Variants in MECOM observed in about 807,000 individuals in gnomAD.
MECOM encodes histone-lysine N-methyltransferase MECOM.
A neutral mutation model predicts 116.3 loss-of-function variants in MECOM; 13 were observed. That is an observed-to-expected ratio of 0.11 (90% CI 0.07 to 0.18). The LOEUF (loss-of-function observed/expected upper bound fraction) is 0.18, where lower values mean the gene tolerates loss of function less well. Among genes scored for constraint, MECOM ranks in the 10% least tolerant of loss-of-function variants. The probability of loss-of-function intolerance (pLI) is 1.00; values close to 1 mark genes in which losing one functional copy is unlikely to be tolerated. For missense variants in MECOM, 1,299 were observed against 1,509.0 expected, an observed-to-expected ratio of 0.86 and a Z score of 2.31; for synonymous variants, 528 against 535.2, an observed-to-expected ratio of 0.99 and a Z score of 0.19.
At chr3:169,530,122 A>G (rs1457762473) in intron 1 of MECOM, among the ~76,000 whole-genome samples, 1 of 144,334 alleles carries the variant, frequency 6.9e-6, no homozygotes, top group Admixed American at 7.0e-5. Flanking sequence ...AGGCTATTCA[A>G]GTGGTAGAAA....
intron 14 of MECOM, among the ~76,000 whole-genome samples, chr3:169,091,100 T>G (rs1323323760): frequency 6.6e-6 from 1 of 152,098 alleles, no homozygotes; most frequent in East Asian, 1.9e-4. Context: ...TATCAAAGAA[T>G]GGTGAAAACA....
chr3:169,270,942 A>C (rs1454925345), intron 2 of MECOM, among the ~76,000 whole-genome samples: 1 of 152,200 alleles, frequency 6.6e-6, no homozygotes, highest in Non-Finnish European at 1.5e-5. Flanking sequence ...ATTTTTTGTA[A>C]TACTGCTTTT....
At chr3:169,659,757 G>C (rs1377721433) in intron 1 of MECOM, among the ~76,000 whole-genome samples, 1 of 152,106 alleles carries the variant, frequency 6.6e-6, no homozygotes, top group Non-Finnish European at 1.5e-5. Flanking sequence ...TCTGGGTGTT[G>C]TGTTTGTTGT....
chr3:169,143,954 A>G, intron 2 of MECOM, 122 bp from the exon 3 acceptor site: 1 of 1,154,762 alleles, frequency 8.7e-7, no homozygotes, highest in Non-Finnish European at 1.2e-6. Flanking sequence ...AAAAAGTCAG[A>G]TCACAAGCAC....
intron 7 of MECOM, 103 bp downstream of exon 7, chr3:169,120,953 C>A (rs1448916604): frequency 1.6e-6 from 2 of 1,223,936 alleles, no homozygotes; most frequent in Admixed American, 5.1e-5. Context: ...AAATAGCTAA[C>A]ACGGTGACCC....
At chr3:169,246,564 T>C (rs970481635) in intron 2 of MECOM, among the ~76,000 whole-genome samples, 40 of 147,730 alleles carry the variant, frequency 2.7e-4, no homozygotes, top group Non-Finnish European at 4.9e-4. Flanking sequence ...AGTCTCACTA[T>C]GTCACCCAGG....
chr3:169,229,814 T>C (rs1201654349), intron 2 of MECOM, among the ~76,000 whole-genome samples: 1 of 152,208 alleles, frequency 6.6e-6, no homozygotes, highest in Non-Finnish European at 1.5e-5. Flanking sequence ...GATTTCCTAA[T>C]CAGTTTCATG....
intron 2 of MECOM, among the ~76,000 whole-genome samples, chr3:169,353,038 A>G (rs1297477804): frequency 1.6e-4 from 25 of 151,868 alleles, no homozygotes; most frequent in Admixed American, 1.6e-3. Flanking sequence ...GATTTATCCC[A>G]CGAGGCTACA....
At chr3:169,380,489 C>T (rs769922343) in intron 2 of MECOM, among the ~76,000 whole-genome samples, 2 of 152,090 alleles carry the variant, frequency 1.3e-5, no homozygotes, top group Admixed American at 6.6e-5. Flanking sequence ...ATTCTTTAAT[C>T]AGACTATAAC....
At chr3:169,196,950 G>C (rs1349964209) in intron 2 of MECOM, among the ~76,000 whole-genome samples, 1 of 151,984 alleles carries the variant, frequency 6.6e-6, no homozygotes, top group Non-Finnish European at 1.5e-5. Context: ...AAGAAATTGT[G>C]GTATAGATAC....
At chr3:169,097,817 T>TATAAAA (rs1553818439) in intron 12 of MECOM, among the ~76,000 whole-genome samples, 6 of 87,212 alleles carry the variant, frequency 6.9e-5, no homozygotes, top group East Asian at 9.9e-4. Flanking sequence ...ACTGTCTATA[T>TATAAAA]AAAAAAAAAA....
intron 2 of MECOM, among the ~76,000 whole-genome samples, chr3:169,197,410 C>T (rs1748574699): frequency 6.6e-6 from 1 of 151,808 alleles, no homozygotes; most frequent in Admixed American, 6.6e-5. Flanking sequence ...ATAAAGTCTC[C>T]AGTATATCCC....
chr3:169,575,610 A>T (rs990121157), intron 1 of MECOM, among the ~76,000 whole-genome samples: 1 of 152,070 alleles, frequency 6.6e-6, no homozygotes, highest in African/African-American at 2.4e-5. Context: ...ACACCTCCAC[A>T]CTGGACTTAG....
chr3:169,601,320 G>A (rs549090813), intron 1 of MECOM, among the ~76,000 whole-genome samples: 2 of 152,330 alleles, frequency 1.3e-5, no homozygotes, highest in African/African-American at 4.8e-5. Context: ...GGGAAAAGAA[G>A]AACCTGGAGG....
At chr3:169,537,876 C>T (rs1216760604) in intron 1 of MECOM, among the ~76,000 whole-genome samples, 2 of 152,118 alleles carry the variant, frequency 1.3e-5, no homozygotes, top group Non-Finnish European at 2.9e-5. Context: ...CATGGTTGTT[C>T]ACAACCTATA....
At chr3:169,503,352 A>G (rs1350660663) in intron 1 of MECOM, among the ~76,000 whole-genome samples, 1 of 152,218 alleles carries the variant, frequency 6.6e-6, no homozygotes, top group Non-Finnish European at 1.5e-5. Context: ...CTAGAACTGC[A>G]TAAATCATAA....
intron 2 of MECOM, among the ~76,000 whole-genome samples, chr3:169,324,270 C>A (rs900483667): frequency 6.6e-6 from 1 of 152,190 alleles, no homozygotes; most frequent in Non-Finnish European, 1.5e-5. Context: ...GGAAACCAAG[C>A]ACACTCTCGT....
chr3:169,178,670 T>C (rs1320020436), intron 2 of MECOM, among the ~76,000 whole-genome samples: 2 of 152,258 alleles, frequency 1.3e-5, no homozygotes, highest in Non-Finnish European at 2.9e-5. Flanking sequence ...GTTTGATTTT[T>C]CAAAATGAAT....
At chr3:169,375,681 T>C (rs1730897783) in intron 2 of MECOM, among the ~76,000 whole-genome samples, 1 of 152,130 alleles carries the variant, frequency 6.6e-6, no homozygotes, top group South Asian at 2.1e-4. Flanking sequence ...ATTGAGGCAG[T>C]AATTAATAGT....
Sources: allele counts gnomAD v4.1 joint callset (sites outside exome capture counted in the v4.1 genomes callset), GRCh38; gene constraint gnomAD v4.1.1; transcripts MANE v1.5; gene names NCBI Gene and HGNC (gene_info 2026-07-23, HGNC 2026-07-21).